Variants in INPP5D observed in about 807,000 individuals in gnomAD.
INPP5D encodes the protein phosphatidylinositol 3,4,5-trisphosphate 5-phosphatase 1.
Under a neutral mutation model 122.9 loss-of-function variants are expected in INPP5D, and 33 were observed. The observed-to-expected ratio is 0.27, with a 90% confidence interval of 0.20 to 0.36. The LOEUF (loss-of-function observed/expected upper bound fraction) is 0.36, where lower values mean the gene tolerates loss of function less well. INPP5D is among the 10% of genes least tolerant of loss of function. INPP5D has a pLI of 1.00. For synonymous variants in INPP5D, 584 were observed against 576.2 expected (o/e 1.01, Z -0.19); for missense variants, 1,053 against 1,412.7 (o/e 0.75, Z 4.08).
At chr2:233,114,060 CCAA>C (rs1459984041) in intron 2 of INPP5D, among the ~76,000 whole-genome samples, 3 of 152,138 alleles carry the variant, frequency 2.0e-5, no homozygotes, top group Non-Finnish European at 4.4e-5. Flanking sequence ...ACAGGCGCCA[CCAA>C]CACGCCCAGC....
chr2:233,126,916 G>A (rs1194646303), intron 4 of INPP5D, among the ~76,000 whole-genome samples: 11 of 126,096 alleles, frequency 8.7e-5, no homozygotes, highest in African/African-American at 2.2e-4. Context: ...GAAAAACTGC[G>A]TCTAAAAAAA....
At chr2:233,133,188 C>T (rs542970996) in intron 5 of INPP5D, among the ~76,000 whole-genome samples, 2 of 152,216 alleles carry the variant, frequency 1.3e-5, no homozygotes, top group African/African-American at 2.4e-5. Flanking sequence ...CTTCCTCGGC[C>T]CCCCAAAGTG....
At chr2:233,090,190 A>G (rs541421953) in intron 2 of INPP5D, among the ~76,000 whole-genome samples, 1 of 152,242 alleles carries the variant, frequency 6.6e-6, no homozygotes, top group East Asian at 1.9e-4. Flanking sequence ...TCTATTGACC[A>G]CTCAGTGCCC....
chr2:233,097,655 A>G (rs1320612984), intron 2 of INPP5D, among the ~76,000 whole-genome samples: 3 of 152,176 alleles, frequency 2.0e-5, no homozygotes. Context: ...TAGTTTCGGT[A>G]GGGTACTCTT....
chr2:233,110,745 G>A (rs913994129), intron 2 of INPP5D, among the ~76,000 whole-genome samples: 6 of 152,098 alleles, frequency 3.9e-5, no homozygotes, highest in African/African-American at 1.4e-4. Context: ...AACATGTAGT[G>A]AAACTGCATC....
At chr2:233,129,705 A>G (rs1240715472) in intron 4 of INPP5D, among the ~76,000 whole-genome samples, 1 of 152,012 alleles carries the variant, frequency 6.6e-6, no homozygotes, top group Non-Finnish European at 1.5e-5. Context: ...ATGAATCCAG[A>G]CTCTCTGAAC....
Position 233,189,823 on chromosome 2 carries a change from T to A in INPP5D, c.2359-27T>A. 1 of 1,610,708 alleles carries A rather than the reference T, an allele frequency of 6.2e-7. No homozygotes were observed. Among genetic ancestry groups the A allele is most frequent in the Non-Finnish European group, 8.5e-7 (1 of 1,178,406 alleles). On this transcript the variant is annotated intron_variant, in intron 21 of 26. Coordinates refer to ENST00000445964, the MANE Select transcript of INPP5D (RefSeq NM_001017915.3). The surrounding 1 kb of genome is among the most constrained non-coding windows in gnomAD (Gnocchi z 5.6). ...CCTCACCTGTCCCTTGCCCATCAACTCCAGTCCTGTGCCCTTCTCTCTGCA... is the reference window on the plus strand; with the variant it reads ...CCTCACCTGTCCCTTGCCCATCAACACCAGTCCTGTGCCCTTCTCTCTGCA...
intron 5 of INPP5D, among the ~76,000 whole-genome samples, chr2:233,138,475 A>T (rs935805589): frequency 6.6e-6 from 1 of 152,168 alleles, no homozygotes; most frequent in Non-Finnish European, 1.5e-5. Context: ...CAATAGAAAA[A>T]CAATGACATT....
intron 2 of INPP5D, among the ~76,000 whole-genome samples, chr2:233,083,652 C>A (rs746019523): frequency 2.0e-5 from 3 of 152,200 alleles, no homozygotes; most frequent in Admixed American, 6.5e-5. Flanking sequence ...GAGCTGCTCG[C>A]TGCAGACTGA....
chr2:233,089,254 C>T (rs568361518), intron 2 of INPP5D, among the ~76,000 whole-genome samples: 1 of 152,310 alleles, frequency 6.6e-6, no homozygotes, highest in South Asian at 2.1e-4. Flanking sequence ...GCCTGGTTGC[C>T]TTTTGTTGAG....
intron 19 of INPP5D, among the ~76,000 whole-genome samples, chr2:233,182,819 G>A (rs1163202223): frequency 1.3e-5 from 2 of 152,088 alleles, no homozygotes; most frequent in Non-Finnish European, 2.9e-5. Context: ...GGGGGCGGGG[G>A]ACATGAATAA....
chr2:233,121,451 A>T (rs1014421861), intron 2 of INPP5D, among the ~76,000 whole-genome samples: 15 of 151,982 alleles, frequency 9.9e-5, no homozygotes, highest in African/African-American at 3.4e-4. Context: ...TTTCTTATTT[A>T]AAAAAATCCA....
chr2:233,114,871 C>A (rs1692739653), intron 2 of INPP5D, among the ~76,000 whole-genome samples: 1 of 144,952 alleles, frequency 6.9e-6, no homozygotes, highest in South Asian at 2.2e-4. Context: ...TTTGTTTCCA[C>A]TTTTTTTTTT....
intron 22 of INPP5D, among the ~76,000 whole-genome samples, chr2:233,193,230 C>T (rs116202446): frequency 0.015 from 2,222 of 152,352 alleles, 50 homozygotes; most frequent in African/African-American, 0.051. Context: ...ATGCTAACTT[C>T]ATGTCTGTGA....
At chr2:233,150,973 A>G (rs1176837980) in intron 9 of INPP5D, among the ~76,000 whole-genome samples, 2 of 152,138 alleles carry the variant, frequency 1.3e-5, no homozygotes, top group Non-Finnish European at 2.9e-5. Context: ...ATCACACATT[A>G]CATGTTGCTC....
intron 3 of INPP5D, 48 bp downstream of exon 3, chr2:233,122,305 C>T (rs565703132): frequency 1.9e-6 from 3 of 1,579,836 alleles, no homozygotes; most frequent in African/African-American, 2.7e-5. Context: ...GGGAACTTGC[C>T]CTGCACCCAC....
intron 1 of INPP5D, among the ~76,000 whole-genome samples, chr2:233,063,269 TG>T (rs1373807626): frequency 6.6e-6 from 1 of 152,170 alleles, no homozygotes; most frequent in Admixed American, 6.5e-5. Context: ...GCAAAGTCCA[TG>T]GGAAAAGTAT....
chr2:233,162,565 T>G (rs1213323156), intron 11 of INPP5D, among the ~76,000 whole-genome samples: 1 of 152,022 alleles, frequency 6.6e-6, no homozygotes, highest in Non-Finnish European at 1.5e-5. Flanking sequence ...TACTAAATAA[T>G]TTTTTAGTGT....
intron 22 of INPP5D, among the ~76,000 whole-genome samples, chr2:233,192,457 T>C (rs1394911199): frequency 6.6e-6 from 1 of 152,200 alleles, no homozygotes; most frequent in Non-Finnish European, 1.5e-5. Flanking sequence ...TAGGCATACC[T>C]AGATTTTCAT....
Sources: gnomAD v4.1 joint callset for allele counts (sites outside exome capture counted in the v4.1 genomes callset) on GRCh38, gnomAD v4.1.1 for gene constraint, Gnocchi (gnomAD v3.1) non-coding constraint, MANE v1.5 for transcripts, NCBI Gene and HGNC (gene_info 2026-07-23, HGNC 2026-07-21) for gene names.